RNF216: variants seen among roughly 807,000 people sequenced by gnomAD.
RNF216 encodes the protein ring finger protein 216, also known as E3 ubiquitin-protein ligase RNF216.
In RNF216, 72 loss-of-function variants were observed where a neutral mutation model predicts 110.8. That is an observed-to-expected ratio of 0.65 (90% confidence interval 0.54 to 0.79). The LOEUF is 0.79. RNF216 is among the 30% of genes least tolerant of loss of function. The probability of loss-of-function intolerance (pLI) is 0.00; values close to 1 mark genes in which losing one functional copy is unlikely to be tolerated. For synonymous variants in RNF216, 495 were observed against 407.5 expected (o/e 1.21, Z -2.59); for missense variants, 1,342 against 1,141.2 (o/e 1.18, Z -2.54).
At chr7:5,679,215 G>T (rs1790499962) in intron 13 of RNF216, among the ~76,000 whole-genome samples, 1 of 152,170 alleles carries the variant, frequency 6.6e-6, no homozygotes, top group Admixed American at 6.5e-5. Context: ...CGGTGGCGGG[G>T]GGGCGGTGCA....
chr7:5,723,408 G>A (rs1168852414), intron 8 of RNF216, among the ~76,000 whole-genome samples: 1 of 152,072 alleles, frequency 6.6e-6, no homozygotes, highest in Admixed American at 6.5e-5. Flanking sequence ...CGCACTTTGG[G>A]AGGCCGAGGC....
chr7:5,741,778 T>C lies in RNF216; in HGVS notation c.239A>G (p.Lys80Arg). ...KPQRSRPNLI[K>R]PAAQWQDLKR... is the part of the protein sequence containing the mutation. Reference sequence around the variant, plus strand: ...CAGATCTTGCCACTGGGCAGCTGGTTTGATGAGATTGGGTCGTGATCTCTG... The same window carrying C: ...CAGATCTTGCCACTGGGCAGCTGGTCTGATGAGATTGGGTCGTGATCTCTG... Residue 80 changes from lysine (K) to arginine (R), a missense_variant, in exon 4 of 17, where the codon AAA (lysine) becomes AGA (arginine). Physicochemically the swap from Lys to Arg is conservative, Grantham distance 26. Transcript: ENST00000389902. 6 of 1,614,038 alleles carry C rather than the reference T, an allele frequency of 3.7e-6. No individual in the cohort carries two copies. The South Asian group carries it at 6.6e-5, about 18-fold the overall frequency.
intron 13 of RNF216, among the ~76,000 whole-genome samples, chr7:5,699,036 GT>G (rs921319713): frequency 4.6e-5 from 7 of 151,930 alleles, no homozygotes; most frequent in Admixed American, 4.6e-4. Flanking sequence ...TTTTTGACTT[GT>G]TTTTTTTAAA....
chr7:5,622,817 A>G lies in RNF216; in HGVS notation c.*43T>C. 1.9e-6 allele frequency: 3 copies of G among 1,539,018 alleles called. No homozygotes were observed. Among genetic ancestry groups the G allele is most frequent in the Non-Finnish European group, 1.8e-6 (2 of 1,134,910 alleles). ...GGGAGGGTTCTCCATCCACACTCCT[A>G]CCCCAAACGGGCTTTGTGCTGCTCA... On this transcript the variant is annotated 3_prime_UTR_variant, in exon 17 of 17. Transcript: ENST00000389902.
rs188722793 is a variant in RNF216 at position 5,661,516 on chromosome 7, A to C, written c.2062-9006T>G. On this transcript the variant is annotated intron_variant, in intron 13 of 16. Coordinates refer to ENST00000389902, the MANE Select transcript of RNF216 (RefSeq NM_207111.4). ...AATTATTCCCATTTTTAAAAAAGTA[A>C]ATACGGCTGGGCATGGTGGTTCACT... Among the ~76,000 whole-genome samples, 27 of 152,296 alleles carry C rather than the reference A, an allele frequency of 1.8e-4. 1 individual carries two copies. The highest frequency in any genetic ancestry group is 3.3e-4 in the Admixed American group (5 of 15,288).
chr7:5,730,365 T>G (rs1180098796), intron 6 of RNF216, among the ~76,000 whole-genome samples: 1 of 152,208 alleles, frequency 6.6e-6, no homozygotes, highest in Non-Finnish European at 1.5e-5. Flanking sequence ...TTCTGTAGGT[T>G]TGAAAATTTT....
chr7:5,663,899 A>AAAAAAC (rs1789328723), intron 13 of RNF216, among the ~76,000 whole-genome samples: 1 of 146,538 alleles, frequency 6.8e-6, no homozygotes, highest in Non-Finnish European at 1.5e-5. Flanking sequence ...GTCCGTCTCA[A>AAAAAAC]AAAAACAAAA....
chr7:5,711,779 A>C lies in RNF216; in HGVS notation c.2043T>G (p.Pro681=). The change falls in exon 13 of 17, where the codon CCT becomes CCG. Residue 681 remains proline (P), a synonymous_variant. Transcript: ENST00000389902. ...TCCCTACCTTTCGGCAGTGAGGATT[A>C]GGACAGCTGAACCTCTTCACATCAC... is the stretch of plus-strand genomic sequence containing the variant. The part of the protein sequence containing the change: ...LDSDVKRFSC[P]NPHCRKETCR... 6.2e-7 allele frequency: 1 copy of C among 1,613,720 alleles called. No homozygotes were observed. The highest frequency in any genetic ancestry group is 8.5e-7 in the Non-Finnish European group (1 of 1,179,836).
chr7:5,687,486 A>G (rs1296289378), intron 13 of RNF216, among the ~76,000 whole-genome samples: 1 of 152,092 alleles, frequency 6.6e-6, no homozygotes, highest in Non-Finnish European at 1.5e-5. Flanking sequence ...CAAAGAGTCC[A>G]CTCACATCTA....
In RNF216 at chr7:5,696,600, C is replaced by T. The variant is rs891174610; in HGVS notation, c.2061+15161G>A. On this transcript the variant is annotated intron_variant, in intron 13 of 16. Coordinates refer to ENST00000389902, the MANE Select transcript of RNF216 (RefSeq NM_207111.4). This position sits in a 1 kb window ranked among gnomAD's most constrained non-coding sequence, Gnocchi z 5.4. ...TCGTGTCCTATGGTCTCGCTTCGGC[C>T]GCTCTTCACCAAAGCCTCTTCCTTG... Among the ~76,000 whole-genome samples the T allele has an allele frequency of 2.0e-5, 3 of 152,148 alleles. No individual in the cohort carries two copies. Among genetic ancestry groups the T allele is most frequent in the Non-Finnish European group, 2.9e-5 (2 of 68,032 alleles).
At chr7:5,656,030 A>G (rs1788718983) in intron 13 of RNF216, among the ~76,000 whole-genome samples, 1 of 152,056 alleles carries the variant, frequency 6.6e-6, no homozygotes, top group Non-Finnish European at 1.5e-5. Context: ...GCACTTTGGA[A>G]GGCTGAGGGG....
chr7:5,741,866 C>A lies in RNF216; in HGVS notation c.202-51G>T. On this transcript the variant is annotated intron_variant, in intron 3 of 16. Coordinates refer to ENST00000389902, the MANE Select transcript of RNF216 (RefSeq NM_207111.4). The stretch of plus-strand genomic sequence containing the variant: ...TTCAATTTCTTTCCTATGCCTATCC[C>A]TCCTTATGTACTTATATTGAGCTTC... 1.9e-6 allele frequency: 3 copies of A among 1,539,286 alleles called. No homozygotes were observed. The South Asian group carries it at 3.9e-5, about 20-fold the overall frequency.
intron 7 of RNF216, 46 bp from the exon 8 acceptor site, chr7:5,725,484 A>G (rs374043397): frequency 1.5e-5 from 16 of 1,082,414 alleles, no homozygotes; most frequent in Non-Finnish European, 2.3e-5. Context: ...ATAGAAAATA[A>G]GAATACACGA....
In RNF216 at chr7:5,622,510, C is replaced by T. The variant is rs1004888131; in HGVS notation, c.*350G>A. The stretch of plus-strand genomic sequence containing the variant: ...AGATGCTCTCGGCTGCCTTGCTACC[C>T]AGGGGTCGGCTCCGAGGAGAGGCCC... On this transcript the variant is annotated 3_prime_UTR_variant, in exon 17 of 17. Coordinates refer to ENST00000389902, the MANE Select transcript of RNF216 (RefSeq NM_207111.4). 4.6e-6 allele frequency: 1 copy of T among 218,318 alleles called. No homozygotes were observed. Among genetic ancestry groups the T allele is most frequent in the Non-Finnish European group, 9.0e-6 (1 of 111,204 alleles). 13.5% of individuals were successfully genotyped at this position (218,318 alleles called of 1,614,324 possible).
chr7:5,666,251 T>A (rs796348703), intron 13 of RNF216, among the ~76,000 whole-genome samples: 73 of 151,610 alleles, frequency 4.8e-4, no homozygotes, highest in African/African-American at 1.7e-3. Flanking sequence ...GGACACACAT[T>A]AAGTGTAATA....
At chr7:5,635,993 G>C (rs1003710685) in intron 15 of RNF216, among the ~76,000 whole-genome samples, 11 of 152,148 alleles carry the variant, frequency 7.2e-5, no homozygotes, top group African/African-American at 2.7e-4. Context: ...GTTTCTCGTA[G>C]CCAAAACCCA....
intron 13 of RNF216, among the ~76,000 whole-genome samples, chr7:5,667,652 ACC>A (rs1378298984): frequency 6.6e-6 from 1 of 152,140 alleles, no homozygotes; most frequent in African/African-American, 2.4e-5. Context: ...TGCTTGGGCT[ACC>A]TCTGGGCTTC....
At chr7:5,759,964 T>C (rs1348175739) in intron 2 of RNF216, among the ~76,000 whole-genome samples, 1 of 151,994 alleles carries the variant, frequency 6.6e-6, no homozygotes, top group East Asian at 1.9e-4. Flanking sequence ...CAAATGTAAT[T>C]TACTCTCTAC....
chr7:5,739,482 T>C (rs1352446223), intron 4 of RNF216, 130 bp from the exon 5 acceptor site: 1 of 897,614 alleles, frequency 1.1e-6, no homozygotes, highest in Non-Finnish European at 1.8e-6. Context: ...CAGGTCTGTG[T>C]GTGTCTTCAA....
Sources: allele counts gnomAD v4.1 joint callset (sites outside exome capture counted in the v4.1 genomes callset), GRCh38; gene constraint gnomAD v4.1.1; non-coding constraint Gnocchi (gnomAD v3.1); transcripts MANE v1.5; gene names NCBI Gene and HGNC (gene_info 2026-07-23, HGNC 2026-07-21).